COPS2: variants seen among roughly 807,000 people sequenced by gnomAD.
The protein encoded by COPS2 is COP9 signalosome complex subunit 2.
A neutral mutation model predicts 66.1 loss-of-function variants in COPS2; 10 were observed. That is an observed-to-expected ratio of 0.15 (90% CI 0.09 to 0.26). The LOEUF (loss-of-function observed/expected upper bound fraction) is 0.26. COPS2 is among the 10% of genes least tolerant of loss of function. The pLI is 1.00. For missense variants in COPS2, 215 were observed against 513.3 expected, an observed-to-expected ratio of 0.42 and a Z score of 5.62; for synonymous variants, 179 against 171.3, an observed-to-expected ratio of 1.04 and a Z score of -0.35.
At chr15:49,155,434 T>C in intron 1 of COPS2, 91 bp downstream of exon 1, 2 of 1,181,800 alleles carry the variant, frequency 1.7e-6, no homozygotes, top group Non-Finnish European at 2.5e-6. Flanking sequence ...AAACGGCACA[T>C]GCTCTACGGG....
intron 10 of COPS2, 39 bp from the exon 11 acceptor site, chr15:49,129,598 G>T: frequency 9.5e-7 from 1 of 1,054,404 alleles, no homozygotes; most frequent in Non-Finnish European, 1.4e-6. Flanking sequence ...TTATTTAACA[G>T]TTTGTATGAT....
intron 1 of COPS2, among the ~76,000 whole-genome samples, chr15:49,147,693 T>C (rs760605715): frequency 1.2e-4 from 14 of 117,814 alleles, no homozygotes; most frequent in Non-Finnish European, 2.1e-4. Flanking sequence ...AGATTTCAGA[T>C]AGAGATTTCT....
rs1178812366 is a variant in COPS2, at chr15:49,125,036, A to G, written c.*2914T>C. On this transcript the variant is annotated 3_prime_UTR_variant, in exon 13 of 13. Coordinates refer to ENST00000388901, the MANE Select transcript of COPS2 (RefSeq NM_004236.4). ...AATTTCCCACAAAATTTCTACCATC[A>G]TGGATATTTTAAATATTAAGAATAA... 2 of 152,176 alleles carry G rather than the reference A, an allele frequency of 1.3e-5. No individual in the cohort carries two copies. Among genetic ancestry groups the G allele is most frequent in the Non-Finnish European group, 2.9e-5 (2 of 68,010 alleles). The allele number at this position is 152,176 out of a possible 1,614,324, so 9.4% of individuals were successfully genotyped here.
chr15:49,138,117 A>C (rs1056972318), intron 4 of COPS2, among the ~76,000 whole-genome samples: 1 of 152,202 alleles, frequency 6.6e-6, no homozygotes. Context: ...GTCTAGTATA[A>C]TTTTAGCTAT....
At chr15:49,134,129 GA>G in intron 7 of COPS2, 21 bp from the exon 8 acceptor site, 1 of 1,586,378 alleles carries the variant, frequency 6.3e-7, no homozygotes, top group Non-Finnish European at 8.6e-7. Flanking sequence ...TAAGACATGA[GA>G]AAATAGGACA....
chr15:49,152,230 C>A, intron 1 of COPS2, among the ~76,000 whole-genome samples: 1 of 148,246 alleles, frequency 6.7e-6, no homozygotes. Flanking sequence ...AAGAAAAACT[C>A]TTTTGGCAAA....
intron 3 of COPS2, among the ~76,000 whole-genome samples, chr15:49,143,549 T>C (rs2084301943): frequency 6.6e-6 from 1 of 152,144 alleles, no homozygotes; most frequent in African/African-American, 2.4e-5. Context: ...GGATTATTTG[T>C]GGGGTAATAG....
chr15:49,135,670 C>A (rs998896015), intron 6 of COPS2, among the ~76,000 whole-genome samples: 1 of 152,154 alleles, frequency 6.6e-6, no homozygotes, highest in Admixed American at 6.5e-5. Context: ...AAATATCTCA[C>A]ACTGACATAC....
intron 1 of COPS2, among the ~76,000 whole-genome samples, chr15:49,149,039 AAAG>A (rs1436385718): frequency 6.6e-6 from 1 of 152,226 alleles, no homozygotes; most frequent in Non-Finnish European, 1.5e-5. Flanking sequence ...ATTAGTATAT[AAAG>A]AATGCTTTAA....
chr15:49,123,698 G>C lies in COPS2; in HGVS notation c.*4252C>G, dbSNP rs1443716289. On this transcript the variant is annotated 3_prime_UTR_variant, in exon 13 of 13. Coordinates refer to ENST00000388901, the MANE Select transcript of COPS2 (RefSeq NM_004236.4). Reference sequence around the variant, plus strand: ...AATTTTTTCTTTTTTCCTGTCACAGGGTTTTAAGGTACACTTGGCATATAC... The same window carrying C: ...AATTTTTTCTTTTTTCCTGTCACAGCGTTTTAAGGTACACTTGGCATATAC... The C allele has an allele frequency of 6.6e-6, 1 of 152,006 alleles. No homozygotes were observed. Among genetic ancestry groups the C allele is most frequent in the African/African-American group, 2.4e-5 (1 of 41,372 alleles). 9.4% of individuals were successfully genotyped at this position (152,006 alleles called of 1,614,324 possible).
chr15:49,136,385 G>T lies in COPS2; in HGVS notation c.540+765C>A, dbSNP rs144648689. On this transcript the variant is annotated intron_variant, in intron 6 of 12. Transcript: ENST00000388901. ...GACCATATGGCTTTTCAAATTTAAA[G>T]TAATTAATTACAGAAAATAAAGAAC... Among the ~76,000 whole-genome samples the T allele has an allele frequency of 1.9e-3, 293 of 152,172 alleles. 1 individual carries two copies. Among genetic ancestry groups the T allele is most frequent in the African/African-American group, 6.7e-3 (277 of 41,494 alleles).
intron 2 of COPS2, among the ~76,000 whole-genome samples, 191 bp downstream of exon 2, chr15:49,144,774 C>T (rs920891433): frequency 7.2e-5 from 11 of 152,164 alleles, no homozygotes; most frequent in Non-Finnish European, 4.4e-5. Flanking sequence ...GGCCCTGCTC[C>T]ATAGACAGCT....
At chr15:49,150,084 T>A (rs2141133989) in intron 1 of COPS2, among the ~76,000 whole-genome samples, 1 of 151,882 alleles carries the variant, frequency 6.6e-6, no homozygotes, top group Non-Finnish European at 1.5e-5. Flanking sequence ...CACCAGGAGT[T>A]CGAGACCAGC....
chr15:49,132,553 A>G (rs2141123744), intron 9 of COPS2, among the ~76,000 whole-genome samples: 1 of 136,510 alleles, frequency 7.3e-6, no homozygotes, highest in African/African-American at 2.8e-5. Context: ...GGTCACCTAA[A>G]TTATTTACAT....
chr15:49,130,689 A>C, intron 10 of COPS2, 30 bp downstream of exon 10: 1 of 1,327,308 alleles, frequency 7.5e-7, no homozygotes, highest in South Asian at 1.2e-5. Context: ...CAAAGAAAGT[A>C]ATAGAATCCA....
At chr15:49,153,753 G>A (rs2084378351) in intron 1 of COPS2, among the ~76,000 whole-genome samples, 1 of 152,110 alleles carries the variant, frequency 6.6e-6, no homozygotes. Context: ...ACATGGATCT[G>A]GAGAATTAGG....
intron 10 of COPS2, 39 bp from the exon 11 acceptor site, chr15:49,129,598 GTT>G (rs1411647407): frequency 9.5e-7 from 1 of 1,054,406 alleles, no homozygotes. Flanking sequence ...TTATTTAACA[GTT>G]TGTATGATAT....
At chr15:49,144,614 A>G (rs1323242686) in intron 2 of COPS2, among the ~76,000 whole-genome samples, 1 of 152,218 alleles carries the variant, frequency 6.6e-6, no homozygotes, top group Non-Finnish European at 1.5e-5. Context: ...CCGTAAGTGT[A>G]TCAGTAAGTC....
Position 49,137,243 on chromosome 15 carries a change from T to G in COPS2, c.463-16A>C. 2 of 1,577,330 alleles carry G rather than the reference T, an allele frequency of 1.3e-6. No homozygotes were observed. Among genetic ancestry groups the G allele is most frequent in the South Asian group, 2.3e-5 (2 of 85,594 alleles). On this transcript the variant is annotated splice_polypyrimidine_tract_variant and intron_variant, in intron 5 of 12. Transcript: ENST00000388901. ...ATTTTCCAAGCTGCAAGAAAGCAAA[T>G]TTATTAAAATCAAGATTTCAACAGA...
Sources: allele counts gnomAD v4.1 joint callset (sites outside exome capture counted in the v4.1 genomes callset), GRCh38; gene constraint gnomAD v4.1.1; transcripts MANE v1.5; gene names NCBI Gene and HGNC (gene_info 2026-07-23, HGNC 2026-07-21).